SMCHD1: variants seen among roughly 807,000 people sequenced by gnomAD.
SMCHD1 encodes the protein structural maintenance of chromosomes flexible hinge domain-containing protein 1.
Under a neutral mutation model 254.7 loss-of-function variants are expected in SMCHD1, and 78 were observed. That is an observed-to-expected ratio of 0.31 (90% CI 0.26 to 0.37). SMCHD1 has a LOEUF of 0.37. SMCHD1 is among the 10% of genes least tolerant of loss of function. The probability of loss-of-function intolerance (pLI) is 1.00; values close to 1 mark genes in which losing one functional copy is unlikely to be tolerated. For missense variants in SMCHD1, 1,840 were observed against 2,408.1 expected, an observed-to-expected ratio of 0.76 and a Z score of 4.94; for synonymous variants, 766 against 794.9, an observed-to-expected ratio of 0.96 and a Z score of 0.61.
At chr18:2,739,735 G>GA (rs1038853290) in intron 27 of SMCHD1, among the ~76,000 whole-genome samples, 5 of 151,442 alleles carry the variant, frequency 3.3e-5, no homozygotes, top group Non-Finnish European at 5.9e-5. Flanking sequence ...ACATTTTGTC[G>GA]AAAAAAAATC....
At chr18:2,802,053 A>T (rs1161942518) in intron 47 of SMCHD1, among the ~76,000 whole-genome samples, 1 of 152,156 alleles carries the variant, frequency 6.6e-6, no homozygotes, top group Non-Finnish European at 1.5e-5. Context: ...ATTTACATAT[A>T]CCTGAATTTT....
intron 3 of SMCHD1, among the ~76,000 whole-genome samples, chr18:2,671,603 T>C: frequency 6.8e-6 from 1 of 148,070 alleles, no homozygotes. Context: ...TTCTTTTTTT[T>C]TTTTTTTTTT....
Position 2,729,709 on chromosome 18 carries a change from C to CTTTTT in SMCHD1, c.3048+310_3048+314dup, listed in dbSNP as rs72203094. Among the ~76,000 whole-genome samples, 8 of 140,500 alleles carry CTTTTT rather than the reference C, an allele frequency of 5.7e-5. No homozygotes were observed. The South Asian group carries it at 6.6e-4, about 12-fold the overall frequency. 92.2% of individuals were successfully genotyped at this position (140,500 alleles called of 152,430 possible). ...TAAAATACATAATTTTATTCTTTCG[C>CTTTTT]TTTTTTTTTTTTTTAAAGAGATAGG... On this transcript the variant is annotated intron_variant, in intron 24 of 47. Coordinates refer to ENST00000320876, the MANE Select transcript of SMCHD1 (RefSeq NM_015295.3).
At chr18:2,739,010 C>G (rs2075300696) in intron 26 of SMCHD1, among the ~76,000 whole-genome samples, 1 of 152,166 alleles carries the variant, frequency 6.6e-6, no homozygotes. Flanking sequence ...CACCTCTTTT[C>G]CAATAACCTC....
rs115113911 is a variant in SMCHD1, at chr18:2,674,876, A to G, written c.638+731A>G. Among the ~76,000 whole-genome samples the G allele has an allele frequency of 4.4e-3, 666 of 152,308 alleles. 5 individuals are homozygous for G. Among genetic ancestry groups the G allele is most frequent in the African/African-American group, 0.016 (649 of 41,564 alleles). ...AAAAGTCACCCACGTTTAAGGATCA[A>G]TCTCAGTGTGTTAATATAGCTAAAA... On this transcript the variant is annotated intron_variant, in intron 5 of 47. Transcript: ENST00000320876.
intron 17 of SMCHD1, among the ~76,000 whole-genome samples, chr18:2,708,790 A>G (rs2074581574): frequency 7.0e-6 from 1 of 142,476 alleles, no homozygotes; most frequent in Admixed American, 7.1e-5. Flanking sequence ...TAATTTTTGT[A>G]TTTTTAGTAG....
At chr18:2,676,562 A>C (rs1383385750) in intron 5 of SMCHD1, among the ~76,000 whole-genome samples, 2 of 152,196 alleles carry the variant, frequency 1.3e-5, no homozygotes, top group Admixed American at 1.3e-4. Flanking sequence ...AGCATAGTAG[A>C]TAGAGGGGAG....
intron 25 of SMCHD1, among the ~76,000 whole-genome samples, chr18:2,737,057 A>G (rs531760067): frequency 3.9e-5 from 6 of 152,332 alleles, no homozygotes; most frequent in African/African-American, 1.4e-4. Flanking sequence ...AAAGAACAAA[A>G]TCATGTCCTT....
At chr18:2,721,230 A>G (rs1046959334) in intron 19 of SMCHD1, among the ~76,000 whole-genome samples, 6 of 152,066 alleles carry the variant, frequency 3.9e-5, no homozygotes, top group African/African-American at 1.4e-4. Context: ...AGTCAGTTAC[A>G]CTTACTCATA....
At position 2,747,603 on chromosome 18, in the gene SMCHD1, G is replaced by A. The variant is rs1243972252; in HGVS notation, c.3883G>A (p.Val1295Ile). Residue 1295 changes from valine (V) to isoleucine (I), a missense_variant, in exon 30 of 48, where the codon GTA becomes ATA. By Grantham distance (29) the Val-to-Ile change is conservative. This residue lies in a region of SMCHD1 where 881 missense variants were observed against 1,009.5 expected (regional missense o/e 0.87). Transcript: ENST00000320876. ...LCDQWDNPAPVQHVKISLTKA... is the reference protein window; with the variant it reads ...LCDQWDNPAPIQHVKISLTKA... The stretch of plus-strand genomic sequence containing the variant: ...TGATCAGTGGGATAATCCAGCACCG[G>A]TACAACATGTTAAAATAAGTCTTAC... The A allele has an allele frequency of 1.9e-6, 3 of 1,607,328 alleles. No homozygotes were observed. Among genetic ancestry groups the A allele is most frequent in the South Asian group, 1.1e-5 (1 of 90,156 alleles).
chr18:2,726,510 T>C lies in SMCHD1; in HGVS notation c.2759T>C (p.Ile920Thr). The C allele has an allele frequency of 1.4e-6, 2 of 1,404,110 alleles. No individual in the cohort carries two copies. The highest frequency in any genetic ancestry group is 1.9e-6 in the Non-Finnish European group (2 of 1,026,198). 87.0% of individuals were successfully genotyped at this position (1,404,110 alleles called of 1,614,324 possible). The stretch of plus-strand genomic sequence containing the variant: ...AAAGAAGACTCACAGATTTTGAAAA[T>C]TAGATTACTACCTGGTAATATTATT... ...GLKEDSQILK[I>T]RLLPGHPRRL... Residue 920 changes from isoleucine to threonine, a missense_variant, in exon 22 of 48, where the codon ATT (isoleucine) becomes ACT (threonine). Physicochemically the swap from Ile to Thr is moderately conservative, Grantham distance 89. This residue lies in a region of SMCHD1 where 881 missense variants were observed against 1,009.5 expected (regional missense o/e 0.87). Transcript: ENST00000320876.
chr18:2,751,381 AC>A lies in SMCHD1; in HGVS notation c.4274del (p.Pro1425GlnfsTer12). 1.9e-6 allele frequency: 3 copies of A among 1,561,464 alleles called. No individual in the cohort carries two copies. The highest frequency in any genetic ancestry group is 2.1e-5 in the Admixed American group (1 of 47,482). On this transcript the variant is annotated frameshift_variant, in exon 33 of 48. Coordinates refer to ENST00000320876, the MANE Select transcript of SMCHD1 (RefSeq NM_015295.3). LOFTEE classifies it high-confidence loss of function. ...GGAAGCTGTCTACCAGTGGGAACCG[AC>A]CCCCAGCAAATGTGAGTCATGGGAA... is the stretch of plus-strand genomic sequence containing the variant. ...MWKLSTSGNR[P>X]PANAETFSCN...
At chr18:2,745,761 T>A (rs1269328194) in intron 29 of SMCHD1, among the ~76,000 whole-genome samples, 1 of 152,202 alleles carries the variant, frequency 6.6e-6, no homozygotes, top group Non-Finnish European at 1.5e-5. Flanking sequence ...AAAAATTTAT[T>A]ATAAGAGTTA....
chr18:2,666,174 T>A lies in SMCHD1; in HGVS notation c.204T>A (p.Pro68=). 1 of 1,543,846 alleles carries A rather than the reference T, an allele frequency of 6.5e-7. No individual in the cohort carries two copies. Among genetic ancestry groups the A allele is most frequent in the South Asian group, 1.2e-5 (1 of 86,768 alleles). Residue 68 remains proline (P), a synonymous_variant, in exon 2 of 48, where the codon CCT becomes CCA. Coordinates refer to ENST00000320876, the MANE Select transcript of SMCHD1 (RefSeq NM_015295.3). ...ACVCQTLGIS[P]EEKFVITTTS... The stretch of plus-strand genomic sequence containing the variant: ...TTGGATAGACACTTGGCATTTCACC[T>A]GAAGAAAAATTTGTTATTACAACAA...
At chr18:2,683,633 A>T (rs541693022) in intron 5 of SMCHD1, among the ~76,000 whole-genome samples, 1 of 152,190 alleles carries the variant, frequency 6.6e-6, no homozygotes, top group African/African-American at 2.4e-5. Context: ...GTTAGATTCT[A>T]CTGGTTGATG....
In SMCHD1 at chr18:2,763,693, T is replaced by G. The variant is rs772742551; in HGVS notation, c.4623T>G (p.Ile1541Met). The G allele has an allele frequency of 6.2e-7, 1 of 1,607,150 alleles. No individual in the cohort carries two copies. Among genetic ancestry groups the G allele is most frequent in the South Asian group, 1.1e-5 (1 of 90,094 alleles). Residue 1541 changes from isoleucine to methionine, a missense_variant, in exon 37 of 48, where the codon ATT becomes ATG. Ile to Met is a conservative substitution (Grantham distance 10). This residue lies in a region of SMCHD1 where 881 missense variants were observed against 1,009.5 expected (regional missense o/e 0.87). Transcript: ENST00000320876. Reference protein sequence around the residue: ...IDLVGTIIATIKGSNEEDTDT... With the variant: ...IDLVGTIIATMKGSNEEDTDT... ...TGGTTGGCACTATAATAGCCACCAT[T>G]AAAGGCTCTAATGAGGAAGATACTG... is the stretch of plus-strand genomic sequence containing the variant.
rs754758261 is a variant in SMCHD1 at position 2,673,339 on chromosome 18, G to T, written c.483G>T (p.Gly161=). The T allele has an allele frequency of 3.5e-5, 55 of 1,575,044 alleles. No individual in the cohort carries two copies. Among genetic ancestry groups the T allele is most frequent in the Non-Finnish European group, 4.5e-5 (52 of 1,153,412 alleles). Residue 161 remains glycine, a synonymous_variant, in exon 4 of 48, where the codon GGG becomes GGT. Coordinates refer to ENST00000320876, the MANE Select transcript of SMCHD1 (RefSeq NM_015295.3). ...TGTCTGCTACTTCTCGTAACATTGGGGTTAGAAGAATACAGATCAAATTGG... is the reference window on the plus strand; with the variant it reads ...TGTCTGCTACTTCTCGTAACATTGGTGTTAGAAGAATACAGATCAAATTGG... ...NSLSATSRNI[G]VRRIQIKLLF...
chr18:2,772,456 A>G, intron 41 of SMCHD1, 84 bp downstream of exon 41: 1 of 1,190,854 alleles, frequency 8.4e-7, no homozygotes, highest in Admixed American at 3.0e-5. Flanking sequence ...GTGACAAAAA[A>G]GTGTCAGGTT....
intron 3 of SMCHD1, among the ~76,000 whole-genome samples, chr18:2,670,688 G>C (rs1170962631): frequency 6.6e-6 from 1 of 151,976 alleles, no homozygotes; most frequent in East Asian, 2.0e-4. Context: ...ATTACTTGAG[G>C]TCAGGAGTTC....
Sources: allele counts gnomAD v4.1 joint callset (sites outside exome capture counted in the v4.1 genomes callset), GRCh38; gene constraint gnomAD v4.1.1; regional missense constraint gnomAD v4.1.1; transcripts MANE v1.5; gene names NCBI Gene and HGNC (gene_info 2026-07-23, HGNC 2026-07-21).